The following LY86 variants were observed in gnomAD, a reference collection of about 807,000 sequenced individuals.
LY86 encodes lymphocyte antigen 86, also known as MD-1, RP105-associated.
In LY86, 20 loss-of-function variants were observed where a neutral mutation model predicts 17.3. That is an observed-to-expected ratio of 1.15 (90% CI 0.81 to 1.68). The LOEUF (loss-of-function observed/expected upper bound fraction) is 1.68, where lower values mean the gene tolerates loss of function less well. Among genes scored for constraint, LY86 ranks in the 40% most tolerant of loss-of-function variants. The probability of loss-of-function intolerance (pLI) is 0.00; values close to 1 mark genes in which losing one functional copy is unlikely to be tolerated. For missense variants in LY86, 200 were observed against 191.9 expected, an observed-to-expected ratio of 1.04 and a Z score of -0.25; for synonymous variants, 74 against 70.6, an observed-to-expected ratio of 1.05 and a Z score of -0.24.
intron 1 of LY86, among the ~76,000 whole-genome samples, chr6:6,600,174 A>G (rs531158068): frequency 6.6e-6 from 1 of 152,324 alleles, no homozygotes; most frequent in South Asian, 2.1e-4. Context: ...GCATTTTCAT[A>G]GGGCAGTGAA....
chr6:6,639,248 C>A (rs546029219), intron 3 of LY86, among the ~76,000 whole-genome samples: 4 of 152,142 alleles, frequency 2.6e-5, no homozygotes, highest in Non-Finnish European at 5.9e-5. Context: ...TAAACCCAAG[C>A]ACTTTCTCTT....
At chr6:6,613,705 G>A (rs891461920) in intron 1 of LY86, among the ~76,000 whole-genome samples, 1 of 152,252 alleles carries the variant, frequency 6.6e-6, no homozygotes, top group African/African-American at 2.4e-5. Flanking sequence ...ACAGTGCAGC[G>A]GCGGGCTGAA....
chr6:6,593,290 A>G (rs1760589326), intron 1 of LY86, among the ~76,000 whole-genome samples: 1 of 152,174 alleles, frequency 6.6e-6, no homozygotes, highest in Non-Finnish European at 1.5e-5. Context: ...GCTTCCTTCT[A>G]TCATCACATG....
Position 6,588,869 on chromosome 6 carries a change from C to T in LY86, c.135C>T (p.Cys45=), listed in dbSNP as rs201912095. 209 of 1,613,728 alleles carry T rather than the reference C, an allele frequency of 1.3e-4. No homozygotes were observed. In the East Asian group the frequency reaches 1.4e-3, roughly 11 times the overall value. Residue 45 remains cysteine (C), a splice_region_variant and synonymous_variant, in exon 1 of 5, where the codon TGC becomes TGT. Transcript: ENST00000230568. ...GCTTGGAAGTGCTCTACCAGAGTTG[C>T]GGTAAGCCCTTGCAGTACACCCATG... The part of the protein sequence containing the change: ...DSGLEVLYQS[C]DPLQDFGFSV...
At chr6:6,601,842 T>C (rs941005947) in intron 1 of LY86, among the ~76,000 whole-genome samples, 8 of 152,210 alleles carry the variant, frequency 5.3e-5, no homozygotes, top group Admixed American at 4.6e-4. Flanking sequence ...ATGCAGTACC[T>C]GGGATGCCTG....
At chr6:6,605,996 G>C (rs921495909) in intron 1 of LY86, among the ~76,000 whole-genome samples, 1 of 152,122 alleles carries the variant, frequency 6.6e-6, no homozygotes, top group African/African-American at 2.4e-5. Context: ...AAAATTTACT[G>C]CGAAAAGCAA....
chr6:6,654,197 C>T (rs1240856728), intron 4 of LY86, among the ~76,000 whole-genome samples: 1 of 152,198 alleles, frequency 6.6e-6, no homozygotes, highest in African/African-American at 2.4e-5. Flanking sequence ...CAGGTCTTTG[C>T]CTAAATGTCG....
intron 3 of LY86, among the ~76,000 whole-genome samples, chr6:6,648,470 T>A (rs1762138807): frequency 6.6e-6 from 1 of 152,180 alleles, no homozygotes; most frequent in South Asian, 2.1e-4. Flanking sequence ...CCTAAACTCT[T>A]TTCCACATCA....
intron 1 of LY86, among the ~76,000 whole-genome samples, chr6:6,605,700 A>C (rs1183612710): frequency 6.6e-6 from 1 of 152,108 alleles, no homozygotes; most frequent in East Asian, 1.9e-4. Flanking sequence ...TTAAAGAATG[A>C]AGCCGCGGAA....
intron 1 of LY86, among the ~76,000 whole-genome samples, chr6:6,593,678 G>C (rs1339159669): frequency 6.6e-6 from 1 of 152,208 alleles, no homozygotes; most frequent in African/African-American, 2.4e-5. Context: ...CAAGGACATG[G>C]CATTGTTTCT....
At chr6:6,603,342 T>G (rs948616533) in intron 1 of LY86, among the ~76,000 whole-genome samples, 12 of 139,346 alleles carry the variant, frequency 8.6e-5, no homozygotes, top group African/African-American at 3.3e-4. Context: ...AACAGGACAC[T>G]GGCAAAAGAG....
At position 6,654,743 on chromosome 6, in the gene LY86, A is replaced by C. The variant is rs556211241; in HGVS notation, c.*116A>C. ...GATGACAGAGAGAGGCTCTACAAAG[A>C]AGCGCCCCCAAAGAGTGCAGCTGCT... On this transcript the variant is annotated 3_prime_UTR_variant, in exon 5 of 5. Coordinates refer to ENST00000230568, the MANE Select transcript of LY86 (RefSeq NM_004271.4). 473 of 832,846 alleles carry C rather than the reference A, an allele frequency of 5.7e-4. No individual in the cohort carries two copies. Among genetic ancestry groups the C allele is most frequent in the Non-Finnish European group, 8.1e-4 (417 of 515,116 alleles). The allele number at this position is 832,846 out of a possible 1,614,324, so 51.6% of individuals were successfully genotyped here.
At chr6:6,615,408 G>A (rs185736634) in intron 1 of LY86, among the ~76,000 whole-genome samples, 4 of 152,284 alleles carry the variant, frequency 2.6e-5, no homozygotes, top group Admixed American at 6.5e-5. Context: ...TTTCATCTCA[G>A]AAATATCTAT....
intron 1 of LY86, among the ~76,000 whole-genome samples, chr6:6,599,368 CT>C (rs137941068): frequency 1.6e-3 from 248 of 152,334 alleles, no homozygotes; most frequent in South Asian, 9.5e-3. Flanking sequence ...AACTTGAGCA[CT>C]TTCCCTTAAC....
chr6:6,588,942 C>A, intron 1 of LY86, 72 bp downstream of exon 1: 1 of 1,520,088 alleles, frequency 6.6e-7, no homozygotes, highest in Non-Finnish European at 8.8e-7. Flanking sequence ...CGCTAGTGCT[C>A]AGTTGGAGTT....
intron 1 of LY86, among the ~76,000 whole-genome samples, chr6:6,594,046 G>A (rs1383842638): frequency 6.6e-6 from 1 of 152,256 alleles, no homozygotes; most frequent in Non-Finnish European, 1.5e-5. Context: ...GTTTGTAAGG[G>A]TCAGATAGAG....
At chr6:6,624,616 A>T (rs1464316917) in intron 1 of LY86, among the ~76,000 whole-genome samples, 1 of 152,178 alleles carries the variant, frequency 6.6e-6, no homozygotes, top group Admixed American at 6.5e-5. Context: ...TTCAGGAACT[A>T]AAAAAATTCA....
chr6:6,625,165 A>G (rs1376127791), intron 2 of LY86, among the ~76,000 whole-genome samples, 153 bp downstream of exon 2: 3 of 152,176 alleles, frequency 2.0e-5, no homozygotes, highest in Non-Finnish European at 4.4e-5. Context: ...TTCATTTTCA[A>G]ATCTTTCTCT....
chr6:6,642,883 C>T (rs367581950), intron 3 of LY86, among the ~76,000 whole-genome samples: 3 of 152,218 alleles, frequency 2.0e-5, no homozygotes, highest in Non-Finnish European at 2.9e-5. Flanking sequence ...CCTCCGGAGA[C>T]GATGCTCTTG....
Sources: gnomAD v4.1 joint callset for allele counts (sites outside exome capture counted in the v4.1 genomes callset) on GRCh38, gnomAD v4.1.1 for gene constraint, MANE v1.5 for transcripts, NCBI Gene and HGNC (gene_info 2026-07-23, HGNC 2026-07-21) for gene names.